Variants in CRTC3 observed in about 807,000 individuals in gnomAD.
The protein encoded by CRTC3 is CREB regulated transcription coactivator 3.
A neutral mutation model predicts 74.5 loss-of-function variants in CRTC3; 26 were observed. That is an observed-to-expected ratio of 0.35 (90% CI 0.26 to 0.48). The LOEUF (loss-of-function observed/expected upper bound fraction) is 0.48, where lower values mean the gene tolerates loss of function less well. CRTC3 is among the 20% of genes least tolerant of loss of function. The pLI is 0.99. For missense variants in CRTC3, 760 were observed against 787.3 expected, an observed-to-expected ratio of 0.97 and a Z score of 0.41; for synonymous variants, 377 against 325.8, an observed-to-expected ratio of 1.16 and a Z score of -1.69.
At chr15:90,638,315 C>G in intron 11 of CRTC3, 131 bp from the exon 12 acceptor site, 1 of 690,460 alleles carries the variant, frequency 1.4e-6, no homozygotes, top group Non-Finnish European at 2.5e-6. Flanking sequence ...ACGGGCTTCT[C>G]ACAGCATTGC....
rs762080772 is a variant in CRTC3 at position 90,604,415 on chromosome 15, T to C, written c.444T>C (p.His148=). The C allele has an allele frequency of 6.2e-7, 1 of 1,614,114 alleles. No homozygotes were observed. The highest frequency in any genetic ancestry group is 8.5e-7 in the Non-Finnish European group (1 of 1,179,944). ...RQQPPWKDEK[H]PGFRLTSALN... ...AGCCTCCTTGGAAAGACGAAAAGCATCCTGGGTTCAGGCTGACATCTGCAC... is the reference window on the plus strand; with the variant it reads ...AGCCTCCTTGGAAAGACGAAAAGCACCCTGGGTTCAGGCTGACATCTGCAC... Residue 148 remains histidine, a synonymous_variant, in exon 5 of 15, where the codon CAT becomes CAC. Coordinates refer to ENST00000268184, the MANE Select transcript of CRTC3 (RefSeq NM_022769.5).
At chr15:90,636,532 G>T (rs1969244175) in intron 11 of CRTC3, among the ~76,000 whole-genome samples, 1 of 151,786 alleles carries the variant, frequency 6.6e-6, no homozygotes, top group African/African-American at 2.4e-5. Flanking sequence ...AAAAGCAATG[G>T]CAACAAAAGC....
Position 90,545,676 on chromosome 15 carries a change from AAG to A in CRTC3, c.231+5540_231+5541del, listed in dbSNP as rs1966842987. On this transcript the variant is annotated intron_variant, in intron 2 of 14. Coordinates refer to ENST00000268184, the MANE Select transcript of CRTC3 (RefSeq NM_022769.5). ...ACTGCAACCTCCGCCTCCTGGGTTC[AAG>A]CAATTCTCCTGCCTCAGCCTCCCAA... 3.9e-5 allele frequency among the ~76,000 whole-genome samples: 6 copies of A among 152,146 alleles called. No individual in the cohort carries two copies. The South Asian group carries it at 1.2e-3, about 32-fold the overall frequency.
rs1267026160 is a variant in CRTC3, at chr15:90,540,098, A to G, written c.192A>G (p.Pro64=). ...RLTQYHGGSL[P]NVSQLRSSAS... is the part of the protein sequence containing the mutation. ...CACAGTACCATGGAGGATCCTTACC[A>G]AATGTGAGCCAGCTGCGGAGCAGTG... The change falls in exon 2 of 15, where the codon CCA becomes CCG. Residue 64 remains proline (P), a synonymous_variant. Transcript: ENST00000268184. The G allele has an allele frequency of 6.2e-7, 1 of 1,613,310 alleles. No individual in the cohort carries two copies. The highest frequency in any genetic ancestry group is 1.3e-5 in the African/African-American group (1 of 74,904).
chr15:90,581,098 G>C (rs997167089), intron 2 of CRTC3, among the ~76,000 whole-genome samples: 2 of 152,072 alleles, frequency 1.3e-5, no homozygotes, highest in African/African-American at 4.8e-5. Flanking sequence ...AAAGTACTCC[G>C]TTCCCATCTT....
intron 6 of CRTC3, 63 bp from the exon 7 acceptor site, chr15:90,614,390 A>G: frequency 8.1e-7 from 1 of 1,237,006 alleles, no homozygotes. Flanking sequence ...TGATTCATAA[A>G]TTCATGAAAA....
At chr15:90,631,587 G>T (rs1350331343) in intron 11 of CRTC3, among the ~76,000 whole-genome samples, 1 of 151,898 alleles carries the variant, frequency 6.6e-6, no homozygotes, top group East Asian at 1.9e-4. Flanking sequence ...AATTAACCGG[G>T]CATGGTGGCA....
intron 5 of CRTC3, among the ~76,000 whole-genome samples, chr15:90,606,242 C>T (rs537041368): frequency 2.0e-5 from 3 of 150,292 alleles, no homozygotes; most frequent in South Asian, 4.2e-4. Flanking sequence ...AGTGAAATTC[C>T]ATCTCAAAAA....
intron 2 of CRTC3, among the ~76,000 whole-genome samples, chr15:90,567,586 G>A (rs1389964209): frequency 6.6e-6 from 1 of 152,132 alleles, no homozygotes; most frequent in Non-Finnish European, 1.5e-5. Flanking sequence ...TACTCGGGAA[G>A]CTGAGGCAGG....
At chr15:90,554,835 A>T (rs781011785) in intron 2 of CRTC3, among the ~76,000 whole-genome samples, 21 of 152,258 alleles carry the variant, frequency 1.4e-4, no homozygotes, top group Non-Finnish European at 2.5e-4. Context: ...GTTGTACTCC[A>T]CTATGGGTTG....
intron 1 of CRTC3, among the ~76,000 whole-genome samples, chr15:90,534,797 C>G (rs1966689640): frequency 6.6e-6 from 1 of 152,148 alleles, no homozygotes; most frequent in Non-Finnish European, 1.5e-5. Context: ...TTGCAGTGAT[C>G]CCAGACTGCT....
At chr15:90,635,801 C>T (rs983765870) in intron 11 of CRTC3, among the ~76,000 whole-genome samples, 4 of 152,022 alleles carry the variant, frequency 2.6e-5, no homozygotes, top group Admixed American at 1.3e-4. Context: ...AAGATTCGAT[C>T]GTGAAATTTC....
intron 3 of CRTC3, chr15:90,598,184 G>T: frequency 2.1e-6 from 1 of 482,986 alleles, no homozygotes; most frequent in South Asian, 2.7e-5. Context: ...AGGCTGCCCC[G>T]ACAAGGCAGT....
intron 9 of CRTC3, among the ~76,000 whole-genome samples, chr15:90,625,511 T>C (rs968052157): frequency 1.3e-5 from 2 of 152,204 alleles, no homozygotes; most frequent in Admixed American, 6.5e-5. Context: ...TCAGAATACT[T>C]TTGCATCCAT....
chr15:90,591,263 T>C (rs1363345743), intron 2 of CRTC3, among the ~76,000 whole-genome samples: 1 of 151,944 alleles, frequency 6.6e-6, no homozygotes, highest in African/African-American at 2.4e-5. Flanking sequence ...CATGCCTAGC[T>C]AATTTGTTTG....
chr15:90,640,692 AG>A (rs778254080), intron 13 of CRTC3, among the ~76,000 whole-genome samples: 5 of 151,488 alleles, frequency 3.3e-5, no homozygotes, highest in Non-Finnish European at 7.4e-5. Context: ...AAAAAAAAGA[AG>A]AAAGAAACCA....
At chr15:90,603,992 G>A (rs777290627) in intron 4 of CRTC3, among the ~76,000 whole-genome samples, 4 of 152,160 alleles carry the variant, frequency 2.6e-5, no homozygotes, top group Non-Finnish European at 5.9e-5. Context: ...GGACTGGTTA[G>A]ACTTAATATT....
intron 1 of CRTC3, among the ~76,000 whole-genome samples, chr15:90,531,142 A>G (rs1412987600): frequency 6.6e-6 from 1 of 152,234 alleles, no homozygotes; most frequent in Non-Finnish European, 1.5e-5. Context: ...AGTTGCAGAC[A>G]CATTATTTTT....
chr15:90,624,215 C>T (rs1172733303), intron 9 of CRTC3, among the ~76,000 whole-genome samples: 1 of 152,026 alleles, frequency 6.6e-6, no homozygotes, highest in African/African-American at 2.4e-5. Context: ...GCTGGTGGCA[C>T]CTTCTCCCGC....
Sources: allele counts gnomAD v4.1 joint callset (sites outside exome capture counted in the v4.1 genomes callset), GRCh38; gene constraint gnomAD v4.1.1; transcripts MANE v1.5; gene names NCBI Gene and HGNC (gene_info 2026-07-23, HGNC 2026-07-21).